The following LRP5 variants were observed in gnomAD, a reference collection of about 807,000 sequenced individuals.
The protein encoded by LRP5 is low-density lipoprotein receptor-related protein 5.
In LRP5, 62 loss-of-function variants were observed where a neutral mutation model predicts 154.1. That is an observed-to-expected ratio of 0.40 (90% CI 0.33 to 0.50). LRP5 has a LOEUF of 0.50. LRP5 is among the 20% of genes least tolerant of loss of function. The pLI, the probability that LRP5 is intolerant of heterozygous loss-of-function variation, is 0.55. For missense variants in LRP5, 1,915 were observed against 2,336.7 expected (o/e 0.82, Z 3.72); for synonymous variants, 966 against 1,011.5 (o/e 0.96, Z 0.85).
Position 68,354,206 on chromosome 11 carries a change from C to T in LRP5, c.489-3444C>T, listed in dbSNP as rs1381758596. Among the ~76,000 whole-genome samples, 4 of 152,326 alleles carry T rather than the reference C, an allele frequency of 2.6e-5. No homozygotes were observed. The East Asian group carries it at 7.7e-4, about 29-fold the overall frequency. ...AAGGCCATGCTGCAGCTCTTTTCTT[C>T]GGAAGTCGATTTTCCTCCGTGGAAT... On this transcript the variant is annotated intron_variant, in intron 2 of 22. Transcript: ENST00000294304.
chr11:68,375,855 A>G (rs2098637051), intron 5 of LRP5, among the ~76,000 whole-genome samples: 1 of 152,226 alleles, frequency 6.6e-6, no homozygotes. Context: ...TGTGAAATGT[A>G]GGCCCTGTGT....
At chr11:68,379,980 A>T (rs1403657077) in intron 5 of LRP5, among the ~76,000 whole-genome samples, 2 of 152,196 alleles carry the variant, frequency 1.3e-5, no homozygotes, top group Non-Finnish European at 2.9e-5. Flanking sequence ...AAAAACACAA[A>T]AAGTTAGCCA....
chr11:68,408,357 C>T (rs2098656937), intron 9 of LRP5, among the ~76,000 whole-genome samples: 1 of 148,714 alleles, frequency 6.7e-6, no homozygotes, highest in African/African-American at 2.5e-5. Context: ...GCTGGGATTA[C>T]AGGCGTGAGC....
At chr11:68,372,031 T>C (rs1278582684) in intron 5 of LRP5, among the ~76,000 whole-genome samples, 2 of 152,226 alleles carry the variant, frequency 1.3e-5, no homozygotes, top group Admixed American at 6.5e-5. Flanking sequence ...GAGCTGGCCC[T>C]GGGCTAGCGG....
intron 7 of LRP5, among the ~76,000 whole-genome samples, chr11:68,392,806 C>T (rs1050050137): frequency 2.0e-5 from 3 of 152,174 alleles, no homozygotes; most frequent in African/African-American, 4.8e-5. Flanking sequence ...TTTCCAGATT[C>T]ACCCACACAT....
chr11:68,360,990 C>G (rs1335674316), intron 3 of LRP5, among the ~76,000 whole-genome samples: 1 of 67,968 alleles, frequency 1.5e-5, no homozygotes, highest in Non-Finnish European at 2.5e-5. Flanking sequence ...GAGCAAGACT[C>G]TATCTCAAAA....
rs1486924676 is a variant in LRP5, at chr11:68,347,973, C to T, written c.218C>T (p.Ser73Phe). Residue 73 changes from serine (S) to phenylalanine (F), a missense_variant, in exon 2 of 23, where the codon TCC becomes TTC. Ser to Phe is a radical substitution (Grantham distance 155, BLOSUM62 -2). Transcript: ENST00000294304. ...GCGGCCGCAGTGGACTTCCAGTTTTCCAAGGGAGCCGTGTACTGGACAGAC... is the reference window on the plus strand; with the variant it reads ...GCGGCCGCAGTGGACTTCCAGTTTTTCAAGGGAGCCGTGTACTGGACAGAC... ...EDAAAVDFQF[S>F]KGAVYWTDVS... 8.1e-6 allele frequency: 13 copies of T among 1,614,032 alleles called. No homozygotes were observed. The Admixed American group carries it at 2.2e-4, about 27-fold the overall frequency.
At chr11:68,402,728 G>A (rs1438968968) in intron 7 of LRP5, among the ~76,000 whole-genome samples, 1 of 152,162 alleles carries the variant, frequency 6.6e-6, no homozygotes, top group Non-Finnish European at 1.5e-5. Context: ...CTGCACCTGG[G>A]GCAGGCATTG....
chr11:68,443,583 ATATTTTT>A (rs1253865595), intron 21 of LRP5, among the ~76,000 whole-genome samples: 22 of 33,064 alleles, frequency 6.7e-4, no homozygotes, highest in Non-Finnish European at 9.9e-4. Flanking sequence ...ATATATATAT[ATATTTTT>A]TTTTTTTTTG....
intron 5 of LRP5, among the ~76,000 whole-genome samples, chr11:68,373,553 A>G (rs1365258655): frequency 6.6e-6 from 1 of 151,814 alleles, no homozygotes; most frequent in African/African-American, 2.4e-5. Context: ...TCTGCCGCCC[A>G]GCGTGGCCGG....
chr11:68,421,079 T>C (rs2098665312), intron 13 of LRP5, among the ~76,000 whole-genome samples: 1 of 151,860 alleles, frequency 6.6e-6, no homozygotes, highest in African/African-American at 2.4e-5. Flanking sequence ...ACCAAAAAAC[T>C]AGCCAGGTGT....
intron 7 of LRP5, 28 bp downstream of exon 7, chr11:68,390,080 C>G: frequency 6.2e-7 from 1 of 1,612,152 alleles, no homozygotes; most frequent in African/African-American, 1.3e-5. Context: ...ATGTTTGATC[C>G]AGGAGGCCAG....
At position 68,423,849 on chromosome 11, in the gene LRP5, C is replaced by G; in HGVS notation, c.3236+152C>G. The G allele has an allele frequency of 1.4e-6, 1 of 690,000 alleles. No homozygotes were observed. The highest frequency in any genetic ancestry group is 2.4e-6 in the Non-Finnish European group (1 of 412,538). The allele number at this position is 690,000 out of a possible 1,614,324, so 42.7% of individuals were successfully genotyped here. ...AGGGTCCCAAAAGCAAACACAGGCT[C>G]TTTCACAGCCCCTCCAGGAAAGCAG... On this transcript the variant is annotated intron_variant, in intron 14 of 22. Coordinates refer to ENST00000294304, the MANE Select transcript of LRP5 (RefSeq NM_002335.4). The surrounding 1 kb of genome is among the most constrained non-coding windows in gnomAD (Gnocchi z 4.7).
At chr11:68,330,129 G>T (rs528140547) in intron 1 of LRP5, among the ~76,000 whole-genome samples, 4 of 152,136 alleles carry the variant, frequency 2.6e-5, no homozygotes, top group Non-Finnish European at 5.9e-5. Flanking sequence ...ATGTGTGCAC[G>T]TGTGTGTGCA....
intron 1 of LRP5, among the ~76,000 whole-genome samples, chr11:68,345,030 T>G (rs1388560063): frequency 6.6e-6 from 1 of 151,636 alleles, no homozygotes; most frequent in Non-Finnish European, 1.5e-5. Context: ...GCCTTGCTAA[T>G]TTTTGTATTT....
chr11:68,370,626 C>T lies in LRP5; in HGVS notation c.1015+4924C>T, dbSNP rs540429631. On this transcript the variant is annotated intron_variant, in intron 5 of 22. Coordinates refer to ENST00000294304, the MANE Select transcript of LRP5 (RefSeq NM_002335.4). Reference sequence around the variant, plus strand: ...AGGGCTGAGCACGCAGCTCCACGCTCCCTAGAGACTCAGCCGTCAGGGGTC... The same window carrying T: ...AGGGCTGAGCACGCAGCTCCACGCTTCCTAGAGACTCAGCCGTCAGGGGTC... 9.4e-4 allele frequency among the ~76,000 whole-genome samples: 143 copies of T among 152,352 alleles called. No homozygotes were observed. In the Middle Eastern group the frequency reaches 0.02, roughly 22 times the overall value.
In LRP5 at chr11:68,363,731, G is replaced by T. The variant is rs753204569; in HGVS notation, c.687-16G>T. Reference sequence around the variant, plus strand: ...ACCCTCCTGATGGCTCCTCCACCCCGCTTCCCTGACTGCAGGCAGAAGGTG... The same window carrying T: ...ACCCTCCTGATGGCTCCTCCACCCCTCTTCCCTGACTGCAGGCAGAAGGTG... On this transcript the variant is annotated splice_polypyrimidine_tract_variant and intron_variant, in intron 3 of 22. Transcript: ENST00000294304. 3.7e-6 allele frequency: 6 copies of T among 1,608,120 alleles called. No individual in the cohort carries two copies. The highest frequency in any genetic ancestry group is 4.2e-6 in the Non-Finnish European group (5 of 1,177,072).
intron 1 of LRP5, among the ~76,000 whole-genome samples, chr11:68,339,307 A>G (rs1344496378): frequency 5.3e-5 from 8 of 150,262 alleles, no homozygotes; most frequent in Non-Finnish European, 1.0e-4. Context: ...TCCCAAGTAG[A>G]GCTGGGATTA....
At chr11:68,330,745 G>A (rs190722265) in intron 1 of LRP5, among the ~76,000 whole-genome samples, 6 of 152,354 alleles carry the variant, frequency 3.9e-5, no homozygotes, top group Admixed American at 3.3e-4. Context: ...ACTGGCTCTC[G>A]CAGGAGCGCG....
Sources: gnomAD v4.1 joint callset for allele counts (sites outside exome capture counted in the v4.1 genomes callset) on GRCh38, gnomAD v4.1.1 for gene constraint, Gnocchi (gnomAD v3.1) non-coding constraint, MANE v1.5 for transcripts, NCBI Gene and HGNC (gene_info 2026-07-23, HGNC 2026-07-21) for gene names.